PKHD1: variants seen among roughly 807,000 people sequenced by gnomAD.
PKHD1 encodes PKHD1 ciliary IPT domain containing fibrocystin/polyductin, also known as fibrocystin.
A neutral mutation model predicts 412.0 loss-of-function variants in PKHD1; 291 were observed. The observed-to-expected ratio is 0.71, with a 90% CI of 0.64 to 0.78. The LOEUF is 0.78. PKHD1 is among the 30% of genes least tolerant of loss of function. PKHD1 has a pLI of 0.00. For missense variants in PKHD1, 4,825 were observed against 4,950.7 expected, an observed-to-expected ratio of 0.97 and a Z score of 0.76; for synonymous variants, 1,777 against 1,821.5, an observed-to-expected ratio of 0.98 and a Z score of 0.62.
chr6:52,025,150 A>G lies in PKHD1; in HGVS notation c.4660T>C (p.Tyr1554His). 1 of 1,614,154 alleles carries G rather than the reference A, an allele frequency of 6.2e-7. No individual in the cohort carries two copies. The highest frequency in any genetic ancestry group is 1.1e-5 in the South Asian group (1 of 91,078). ...APGPHYLSVFYTRNGYACSGN... is the reference protein window; with the variant it reads ...APGPHYLSVFHTRNGYACSGN... ...GAACAAGCATACCCATTTCTTGTAT[A>G]AAAAACTGACAGGTAGTGGGGTCCT... The change falls in exon 32 of 67, where the codon TAT (tyrosine) becomes CAT (histidine). Residue 1554 changes from tyrosine to histidine, a missense_variant. Transcript: ENST00000371117.
chr6:52,023,207 C>T (rs1801663504), intron 32 of PKHD1, among the ~76,000 whole-genome samples: 1 of 151,778 alleles, frequency 6.6e-6, no homozygotes, highest in Admixed American at 6.6e-5. Context: ...AAAATTAATG[C>T]TTATTTATAG....
intron 37 of PKHD1, among the ~76,000 whole-genome samples, chr6:51,914,191 G>A (rs376004997): frequency 6.6e-6 from 1 of 152,076 alleles, no homozygotes; most frequent in Non-Finnish European, 1.5e-5. Flanking sequence ...AGAACCAAGA[G>A]TAAAGACCAC....
intron 60 of PKHD1, among the ~76,000 whole-genome samples, chr6:51,726,745 G>A (rs1782620818): frequency 6.6e-6 from 1 of 152,152 alleles, no homozygotes; most frequent in Non-Finnish European, 1.5e-5. Flanking sequence ...ATCTTGCAGA[G>A]ATGGCATCAG....
At chr6:51,827,784 C>A (rs1032589791) in intron 52 of PKHD1, among the ~76,000 whole-genome samples, 3 of 152,116 alleles carry the variant, frequency 2.0e-5, no homozygotes, top group Non-Finnish European at 4.4e-5. Flanking sequence ...ATCATGAGCG[C>A]TTGGAACTGT....
At chr6:51,948,185 C>T (rs1222668892) in intron 36 of PKHD1, among the ~76,000 whole-genome samples, 1 of 152,144 alleles carries the variant, frequency 6.6e-6, no homozygotes, top group Non-Finnish European at 1.5e-5. Context: ...TGCCCTTATC[C>T]TCTACCTCAG....
intron 63 of PKHD1, among the ~76,000 whole-genome samples, chr6:51,646,856 G>A (rs1374964638): frequency 6.6e-6 from 1 of 152,118 alleles, no homozygotes; most frequent in Non-Finnish European, 1.5e-5. Flanking sequence ...GGCTCAGGAG[G>A]TTCACTCTTG....
At chr6:51,867,592 TAAG>T (rs1775283914) in intron 48 of PKHD1, among the ~76,000 whole-genome samples, 1 of 152,168 alleles carries the variant, frequency 6.6e-6, no homozygotes, top group South Asian at 2.1e-4. Context: ...TAAGTCTTTC[TAAG>T]AAGAAGTTAT....
chr6:52,077,159 GAA>G (rs1811437598), intron 5 of PKHD1, among the ~76,000 whole-genome samples: 1 of 152,182 alleles, frequency 6.6e-6, no homozygotes, highest in Admixed American at 6.5e-5. Context: ...TTTTGTGAAT[GAA>G]AAGAGTCACC....
chr6:51,846,331 C>A (rs1771148897), intron 50 of PKHD1, among the ~76,000 whole-genome samples: 1 of 152,182 alleles, frequency 6.6e-6, no homozygotes, highest in African/African-American at 2.4e-5. Context: ...AGGGTGGACT[C>A]AGGACCATTG....
At chr6:51,699,920 A>AGTGTGTATGTGTGTGTGTGTGTGT (rs57760395) in intron 60 of PKHD1, among the ~76,000 whole-genome samples, 3,120 of 137,874 alleles carry the variant, frequency 0.023, 104 homozygotes, top group South Asian at 0.05. Context: ...ATATATATGG[A>AGTGTGTATGTGTGTGTGTGTGTGT]GTGTGTGTGT....
intron 55 of PKHD1, among the ~76,000 whole-genome samples, chr6:51,771,979 T>C (rs1790222076): frequency 6.6e-6 from 1 of 152,144 alleles, no homozygotes; most frequent in African/African-American, 2.4e-5. Flanking sequence ...GATAATGTAA[T>C]AAAGCAATCA....
Position 52,025,202 on chromosome 6 carries a change from A to T in PKHD1, c.4608T>A (p.Val1536=). 1 of 1,614,198 alleles carries T rather than the reference A, an allele frequency of 6.2e-7. No homozygotes were observed. Among genetic ancestry groups the T allele is most frequent in the Non-Finnish European group, 8.5e-7 (1 of 1,180,030 alleles). ...GGGCCAAGTCTCTTGTCTGGCACAC[A>T]ACGTGGCTTGCATTAAAAAAAGTTA... ...CNVTFFNASH[V]VCQTRDLAPG... is the part of the protein sequence containing the mutation. Residue 1536 remains valine (V), a synonymous_variant, in exon 32 of 67, where the codon GTT becomes GTA. Transcript: ENST00000371117.
At chr6:51,739,858 C>T (rs941227257) in intron 60 of PKHD1, 30 of 316,632 alleles carry the variant, frequency 9.5e-5, no homozygotes, top group African/African-American at 6.2e-4. Flanking sequence ...TCTGCTGCCT[C>T]CTGACACTGC....
At chr6:51,635,582 A>G (rs1260818043) in intron 64 of PKHD1, among the ~76,000 whole-genome samples, 1 of 152,096 alleles carries the variant, frequency 6.6e-6, no homozygotes, top group Non-Finnish European at 1.5e-5. Context: ...CGGACAGTAG[A>G]CAAACAAATA....
chr6:52,072,956 G>A (rs914106863), intron 7 of PKHD1, among the ~76,000 whole-genome samples: 4 of 152,028 alleles, frequency 2.6e-5, no homozygotes, highest in Admixed American at 6.6e-5. Flanking sequence ...TTTCCACCAC[G>A]TCTCCAGTGA....
intron 29 of PKHD1, among the ~76,000 whole-genome samples, chr6:52,031,470 C>G (rs888778765): frequency 2.0e-5 from 3 of 152,238 alleles, no homozygotes; most frequent in Admixed American, 2.0e-4. Context: ...CTCTCTGAAC[C>G]TTTTCTGGTT....
rs756215641 is a variant in PKHD1 at position 52,083,171 on chromosome 6, A to C, written c.130+7T>G. ...AGAAATGTGCACTTGGTAAAACCCC[A>C]ACCTACCATCAAAAATGACTGTGAT... On this transcript the variant is annotated splice_region_variant and intron_variant, in intron 3 of 66. Coordinates refer to ENST00000371117, the MANE Select transcript of PKHD1 (RefSeq NM_138694.4). 4 of 1,582,678 alleles carry C rather than the reference A, an allele frequency of 2.5e-6. No homozygotes were observed. The highest frequency in any genetic ancestry group is 3.5e-6 in the Non-Finnish European group (4 of 1,151,438).
Position 51,627,024 on chromosome 6 carries a change from T to G in PKHD1, c.11758A>C (p.Lys3920Gln), listed in dbSNP as rs1767327118. The change falls in exon 66 of 67, where the codon AAA (lysine) becomes CAA (glutamine). Residue 3920 changes from lysine to glutamine, a missense_variant. Transcript: ENST00000371117. ...TCTCCCACCACAGTGTCTTCTTTTT[T>G]GGGCCCTTGTGATTCTCGGCGTTTG... ...SSKRRESQGP[K>Q]KEDTVVGEDM... 1 of 1,613,562 alleles carries G rather than the reference T, an allele frequency of 6.2e-7. No homozygotes were observed.
intron 52 of PKHD1, among the ~76,000 whole-genome samples, chr6:51,825,371 G>C (rs1253454986): frequency 6.6e-6 from 1 of 152,154 alleles, no homozygotes; most frequent in Admixed American, 6.5e-5. Context: ...TTCCACACAG[G>C]TCTCTTGGAC....
Sources: allele counts gnomAD v4.1 joint callset (sites outside exome capture counted in the v4.1 genomes callset), GRCh38; gene constraint gnomAD v4.1.1; transcripts MANE v1.5; gene names NCBI Gene and HGNC (gene_info 2026-07-23, HGNC 2026-07-21).